The following FAM98A variants were observed in gnomAD, a reference collection of about 807,000 sequenced individuals.
FAM98A encodes the protein protein FAM98A.
In FAM98A, 25 loss-of-function variants were observed where a neutral mutation model predicts 62.9. That is an observed-to-expected ratio of 0.40 (90% CI 0.29 to 0.56). The LOEUF is 0.56. FAM98A is among the 20% of genes least tolerant of loss of function. FAM98A has a pLI of 0.51. For missense variants in FAM98A, 653 were observed against 640.7 expected (o/e 1.02, Z -0.21); for synonymous variants, 252 against 228.6 (o/e 1.10, Z -0.92).
At chr2:33,598,922 C>CAA (rs1677886386) in intron 1 of FAM98A, among the ~76,000 whole-genome samples, 1 of 152,140 alleles carries the variant, frequency 6.6e-6, no homozygotes. Context: ...GCATGACTGA[C>CAA]AAACGCTGCG....
chr2:33,592,292 A>G (rs892195416), intron 2 of FAM98A, 78 bp from the exon 3 acceptor site: 1 of 1,142,186 alleles, frequency 8.8e-7, no homozygotes, highest in African/African-American at 1.6e-5. Context: ...TATATAATTG[A>G]AATTGTTAAT....
Position 33,585,433 on chromosome 2 carries a change from G to C in FAM98A, c.900C>G (p.Gly300=). ...TACAINKVLM[G]RVPDRGGRPN... ...GTCTACCACCTCTGTCAGGCACCCTGCCCATCAACACCTACAGAATAGGAA... is the reference window on the plus strand; with the variant it reads ...GTCTACCACCTCTGTCAGGCACCCTCCCCATCAACACCTACAGAATAGGAA... Residue 300 remains glycine, a synonymous_variant, in exon 8 of 8, where the codon GGC becomes GGG. Transcript: ENST00000238823. 6.2e-7 allele frequency: 1 copy of C among 1,614,054 alleles called. No individual in the cohort carries two copies. Among genetic ancestry groups the C allele is most frequent in the South Asian group, 1.1e-5 (1 of 91,068 alleles).
At chr2:33,598,828 G>T (rs762185820) in intron 1 of FAM98A, among the ~76,000 whole-genome samples, 1 of 152,112 alleles carries the variant, frequency 6.6e-6, no homozygotes, top group Non-Finnish European at 1.5e-5. Flanking sequence ...GAGTTGAGGG[G>T]TTAAGGGGTA....
intron 4 of FAM98A, chr2:33,588,126 A>AC (rs747624679): frequency 3.8e-5 from 22 of 572,530 alleles, no homozygotes; most frequent in Non-Finnish European, 6.8e-5. Context: ...TGAAAAAGAA[A>AC]CATGCTAACA....
At chr2:33,586,848 A>G in intron 5 of FAM98A, 170 bp from the exon 6 acceptor site, 1 of 587,624 alleles carries the variant, frequency 1.7e-6, no homozygotes, top group South Asian at 2.2e-5. Flanking sequence ...TAGGTGACAA[A>G]AAGCTGATTC....
At chr2:33,599,120 G>A (rs775958532) in intron 1 of FAM98A, 49 bp downstream of exon 1, 13 of 1,525,144 alleles carry the variant, frequency 8.5e-6, no homozygotes, top group South Asian at 3.4e-5. Context: ...GGTGTTCCCA[G>A]GGGGCCGGCA....
At chr2:33,594,576 TAC>T (rs71409635) in intron 2 of FAM98A, among the ~76,000 whole-genome samples, 2 of 57,234 alleles carry the variant, frequency 3.5e-5, no homozygotes, top group South Asian at 4.9e-4. Context: ...TATATATATA[TAC>T]ACACACACAC....
rs539294537 is a variant in FAM98A at position 33,592,065 on chromosome 2, T to C, written c.337+15A>G. The stretch of plus-strand genomic sequence containing the variant: ...ACAGAAAGTAATAGCTATATTCTAG[T>C]AGCCATGAACTTACTGAGCAAGAGG... On this transcript the variant is annotated intron_variant, in intron 3 of 7. Coordinates refer to ENST00000238823, the MANE Select transcript of FAM98A (RefSeq NM_015475.5). 6 of 1,607,002 alleles carry C rather than the reference T, an allele frequency of 3.7e-6. No homozygotes were observed. Among genetic ancestry groups the C allele is most frequent in the African/African-American group, 1.3e-5 (1 of 74,740 alleles).
chr2:33,594,147 A>G (rs1255580765), intron 2 of FAM98A, among the ~76,000 whole-genome samples: 1 of 152,224 alleles, frequency 6.6e-6, no homozygotes, highest in Non-Finnish European at 1.5e-5. Flanking sequence ...ATGAGTTAAC[A>G]CATATAAAGT....
chr2:33,595,493 A>G lies in FAM98A; in HGVS notation c.198T>C (p.Thr66=), dbSNP rs955164787. The G allele has an allele frequency of 1.2e-6, 2 of 1,604,052 alleles. No individual in the cohort carries two copies. The highest frequency in any genetic ancestry group is 2.7e-5 in the African/African-American group (2 of 74,076). Residue 66 remains threonine, a synonymous_variant, in exon 2 of 8, where the codon ACT becomes ACC. Coordinates refer to ENST00000238823, the MANE Select transcript of FAM98A (RefSeq NM_015475.5). ...TAAAAGTGAATGTTTACTTACTGTT[A>G]GTTGCTTGCACGTTTTCCTCTAGTT... is the stretch of plus-strand genomic sequence containing the variant. ...LCKLEENVQA[T]NSPSEAEEFQ...
At chr2:33,593,246 A>C (rs983709780) in intron 2 of FAM98A, among the ~76,000 whole-genome samples, 1 of 152,174 alleles carries the variant, frequency 6.6e-6, no homozygotes, top group Non-Finnish European at 1.5e-5. Context: ...TCTAAGAAAA[A>C]TAACAAAAAT....
Position 33,585,635 on chromosome 2 carries a change from A to T in FAM98A, c.783T>A (p.Thr261=). ...CCAAAAGATGGGCAACAGAAATAGT[A>T]GTTTTAGGGGATAAGACTGAACGTT... ...QPKRSVLSPK[T]TISVAHLLAA... The change falls in exon 7 of 8, where the codon ACT becomes ACA. Residue 261 remains threonine (T), a synonymous_variant. Transcript: ENST00000238823. The T allele has an allele frequency of 6.2e-7, 1 of 1,614,172 alleles. No individual in the cohort carries two copies. Among genetic ancestry groups the T allele is most frequent in the Non-Finnish European group, 8.5e-7 (1 of 1,180,020 alleles).
chr2:33,594,560 ATTAT>A (rs1278730674), intron 2 of FAM98A, among the ~76,000 whole-genome samples: 1 of 18,256 alleles, frequency 5.5e-5, no homozygotes, highest in African/African-American at 3.3e-4. Flanking sequence ...AAAAAAAAAA[ATTAT>A]ATATATATAT....
chr2:33,587,403 T>A, intron 4 of FAM98A, 83 bp from the exon 5 acceptor site: 2 of 1,068,004 alleles, frequency 1.9e-6, no homozygotes, highest in South Asian at 2.5e-5. Flanking sequence ...TATCTTGCCA[T>A]CAAAAGAAGA....
chr2:33,596,844 A>T (rs10209104), intron 1 of FAM98A, among the ~76,000 whole-genome samples: 8,093 of 147,698 alleles, frequency 0.055, 497 homozygotes, highest in African/African-American at 0.16. Flanking sequence ...GTTAGCCGAG[A>T]TCGCACTACT....
Position 33,585,955 on chromosome 2 carries a change from G to A in FAM98A, c.721-258C>T, listed in dbSNP as rs573312976. Among the ~76,000 whole-genome samples the A allele has an allele frequency of 2.6e-5, 4 of 152,282 alleles. No individual in the cohort carries two copies. In the South Asian group the frequency reaches 6.2e-4, roughly 24 times the overall value. On this transcript the variant is annotated intron_variant, in intron 6 of 7. Coordinates refer to ENST00000238823, the MANE Select transcript of FAM98A (RefSeq NM_015475.5). ...GGTGGAGTGAGAGGGTGCCCCTTTA[G>A]GGTTATGAGGCCAACGTGATAAAAA... is the stretch of plus-strand genomic sequence containing the variant.
chr2:33,596,696 C>G (rs1034822808), intron 1 of FAM98A, among the ~76,000 whole-genome samples: 3 of 151,932 alleles, frequency 2.0e-5, no homozygotes, highest in Admixed American at 2.0e-4. Flanking sequence ...CCAAGACGAT[C>G]CTGGCTAACA....
intron 1 of FAM98A, among the ~76,000 whole-genome samples, chr2:33,596,553 A>G (rs1465086163): frequency 2.0e-5 from 3 of 152,228 alleles, no homozygotes; most frequent in African/African-American, 7.2e-5. Context: ...TTAAATATTG[A>G]TAATAATGCT....
intron 6 of FAM98A, 78 bp downstream of exon 6, chr2:33,586,484 G>T: frequency 1.1e-6 from 1 of 931,878 alleles, no homozygotes; most frequent in Non-Finnish European, 1.7e-6. Flanking sequence ...TCCCATAGTT[G>T]CCAAGTAGCT....
Sources: gnomAD v4.1 joint callset for allele counts (sites outside exome capture counted in the v4.1 genomes callset) on GRCh38, gnomAD v4.1.1 for gene constraint, MANE v1.5 for transcripts, NCBI Gene and HGNC (gene_info 2026-07-23, HGNC 2026-07-21) for gene names.